Variants in CFAP74 observed in about 807,000 individuals in gnomAD.
CFAP74 encodes the protein cilia- and flagella-associated protein 74.
Under a neutral mutation model 188.9 loss-of-function variants are expected in CFAP74, and 124 were observed. The observed-to-expected ratio is 0.66, with a 90% CI of 0.57 to 0.76. The LOEUF (loss-of-function observed/expected upper bound fraction) is 0.76, where lower values mean the gene tolerates loss of function less well. Among genes scored for constraint, CFAP74 ranks in the 30% least tolerant of loss-of-function variants. The pLI is 0.00. For synonymous variants in CFAP74, 956 were observed against 916.7 expected (o/e 1.04, Z -0.77); for missense variants, 2,198 against 2,165.2 (o/e 1.02, Z -0.30).
At chr1:1,955,258 G>A (rs940884292) in intron 18 of CFAP74, 6 of 1,292,696 alleles carry the variant, frequency 4.6e-6, no homozygotes, top group African/African-American at 3.0e-5. Flanking sequence ...ATGGCGGCGG[G>A]CTGCAGGGCA....
intron 1 of CFAP74, among the ~76,000 whole-genome samples, chr1:2,002,154 T>TG (rs773435754): frequency 9.0e-4 from 137 of 151,966 alleles, no homozygotes; most frequent in Middle Eastern, 3.4e-3. Flanking sequence ...TCTACAAGGG[T>TG]GGGGGGCGAC....
chr1:1,970,521 C>G (rs554783757), intron 10 of CFAP74, 138 bp downstream of exon 10: 2 of 950,166 alleles, frequency 2.1e-6, no homozygotes, highest in Non-Finnish European at 3.1e-6. Context: ...CCCCTGTTCC[C>G]GTGCCCCACA....
intron 25 of CFAP74, among the ~76,000 whole-genome samples, chr1:1,932,739 CCCA>C (rs1271276436): frequency 2.0e-5 from 3 of 151,322 alleles, no homozygotes; most frequent in Non-Finnish European, 1.5e-5. Flanking sequence ...ACTACAGGCA[CCCA>C]CCACCACACC....
intron 22 of CFAP74, among the ~76,000 whole-genome samples, chr1:1,940,618 T>G (rs572052933): frequency 3.0e-4 from 46 of 152,258 alleles, no homozygotes; most frequent in Admixed American, 2.9e-3. Flanking sequence ...CGTGTCTAAG[T>G]AGCCAGTCAC....
At chr1:1,972,161 G>A in intron 8 of CFAP74, 79 bp from the exon 9 acceptor site, 1 of 1,069,630 alleles carries the variant, frequency 9.3e-7, no homozygotes, top group Non-Finnish European at 1.4e-6. Flanking sequence ...GCTCTCTGCA[G>A]CCTCGACCTC....
At chr1:1,997,150 C>T (rs939327594) in intron 1 of CFAP74, among the ~76,000 whole-genome samples, 3 of 151,986 alleles carry the variant, frequency 2.0e-5, no homozygotes, top group South Asian at 2.1e-4. Flanking sequence ...CGGCCGGGCG[C>T]GGTGGCGCAC....
At chr1:1,930,405 G>T in intron 25 of CFAP74, 69 bp from the exon 26 acceptor site, 1 of 1,435,324 alleles carries the variant, frequency 7.0e-7, no homozygotes, top group Non-Finnish European at 9.2e-7. Flanking sequence ...CAGGCGCGGG[G>T]GCCACTGGGT....
At chr1:1,927,477 A>G in intron 28 of CFAP74, 130 bp downstream of exon 28, 1 of 881,656 alleles carries the variant, frequency 1.1e-6, no homozygotes, top group African/African-American at 1.7e-5. Context: ...CTGTGTCTGA[A>G]GGCATCAGTC....
intron 6 of CFAP74, among the ~76,000 whole-genome samples, chr1:1,981,580 GGACA>G (rs1469294041): frequency 8.8e-6 from 1 of 113,110 alleles, no homozygotes; most frequent in African/African-American, 4.1e-5. Context: ...ACCCAGCCGT[GGACA>G]GACACGGGGA....
intron 20 of CFAP74, 130 bp from the exon 21 acceptor site, chr1:1,944,582 T>A (rs1253419745): frequency 1.1e-6 from 1 of 915,752 alleles, no homozygotes; most frequent in Non-Finnish European, 1.6e-6. Context: ...GGGACGGCTG[T>A]GGCACTTTTC....
intron 37 of CFAP74, 59 bp from the exon 38 acceptor site, chr1:1,922,782 GA>G: frequency 6.4e-7 from 1 of 1,565,562 alleles, no homozygotes; most frequent in Non-Finnish European, 8.6e-7. Flanking sequence ...GAAGCAGTGG[GA>G]CTAGGGGTGA....
At chr1:1,932,094 C>G (rs112267549) in intron 25 of CFAP74, among the ~76,000 whole-genome samples, 1 of 102,202 alleles carries the variant, frequency 9.8e-6, no homozygotes, top group Admixed American at 1.0e-4. Context: ...AAACAAAAAA[C>G]AAAAAACTTA....
chr1:1,977,647 C>T (rs1242510180), intron 6 of CFAP74, among the ~76,000 whole-genome samples: 1 of 152,304 alleles, frequency 6.6e-6, no homozygotes, highest in South Asian at 2.1e-4. Context: ...GAGGGAAGAG[C>T]CTGTCCGAGG....
rs1330547793 is a variant in CFAP74 at position 1,934,940 on chromosome 1, T to TGACCCCTGGCATTCCTG, written c.3011+3914_3011+3915insCAGGAATGCCAGGGGTC. 2.7e-3 allele frequency among the ~76,000 whole-genome samples: 242 copies of TGACCCCTGGCATTCCTG among 89,772 alleles called. 5 individuals carry two copies. The highest frequency in any genetic ancestry group is 4.0e-3 in the East Asian group (9 of 2,254). 58.9% of individuals were successfully genotyped at this position (89,772 alleles called of 152,430 possible). A position where few individuals can be genotyped will look rare whatever the true frequency, so the allele number is the denominator to read the frequency against. ...GTTAGGTTGTAGGTACACAGGTGTGTACGTGGGTGTTAGGTTGTAGGTACA... is the reference window on the plus strand; with the variant it reads ...GTTAGGTTGTAGGTACACAGGTGTGTGACCCCTGGCATTCCTGACGTGGGTGTTAGGTTGTAGGTACA... On this transcript the variant is annotated intron_variant, in intron 25 of 38. Coordinates refer to ENST00000682832, the MANE Select transcript of CFAP74 (RefSeq NM_001304360.2).
chr1:1,992,230 TCA>T (rs1376111720), intron 1 of CFAP74, among the ~76,000 whole-genome samples: 3 of 151,944 alleles, frequency 2.0e-5, no homozygotes, highest in African/African-American at 7.2e-5. Flanking sequence ...AGTGACACAA[TCA>T]CAGTTTACTA....
At chr1:1,954,847 A>G (rs973968796) in intron 18 of CFAP74, 52 of 1,150,032 alleles carry the variant, frequency 4.5e-5, no homozygotes, top group Non-Finnish European at 5.4e-5. Context: ...TGATGCAGGC[A>G]TGAGCCCCAG....
intron 9 of CFAP74, among the ~76,000 whole-genome samples, chr1:1,971,359 CTGCACACACACGGTCACACA>C (rs1250862877): frequency 1.3e-5 from 2 of 149,146 alleles, no homozygotes; most frequent in African/African-American, 5.0e-5. Flanking sequence ...ACATGCACAC[CTGCACACACACGGTCACACA>C]TGCACACACG....
chr1:1,936,210 T>C (rs1434924158), intron 25 of CFAP74, among the ~76,000 whole-genome samples: 1 of 126,380 alleles, frequency 7.9e-6, no homozygotes, highest in East Asian at 2.3e-4. Context: ...AGAGCGATGC[T>C]CCGTCTCAAA....
At chr1:1,948,162 T>A (rs28678761) in intron 18 of CFAP74, among the ~76,000 whole-genome samples, 326 of 152,228 alleles carry the variant, frequency 2.1e-3, no homozygotes, top group African/African-American at 7.6e-3. Flanking sequence ...TGAGCCACTG[T>A]GCCCGGCCAA....
Sources: allele counts gnomAD v4.1 joint callset (sites outside exome capture counted in the v4.1 genomes callset), GRCh38; gene constraint gnomAD v4.1.1; transcripts MANE v1.5; gene names NCBI Gene and HGNC (gene_info 2026-07-23, HGNC 2026-07-21).